Variants in NRG2 observed in about 807,000 individuals in gnomAD.
NRG2 encodes the protein neuregulin 2, also known as pro-neuregulin-2, membrane-bound isoform.
In NRG2, 27 loss-of-function variants were observed where a neutral mutation model predicts 73.9. That is an observed-to-expected ratio of 0.37 (90% confidence interval 0.27 to 0.50). The LOEUF (loss-of-function observed/expected upper bound fraction) is 0.50. Among genes scored for constraint, NRG2 ranks in the 20% least tolerant of loss-of-function variants. The pLI is 0.96. For synonymous variants in NRG2, 532 were observed against 541.0 expected (o/e 0.98, Z 0.23); for missense variants, 1,126 against 1,210.1 (o/e 0.93, Z 1.03).
chr5:140,011,167 A>G (rs265159), intron 1 of NRG2, among the ~76,000 whole-genome samples: 39,337 of 152,206 alleles, frequency 0.26, 5,753 homozygotes, highest in African/African-American at 0.39. Context: ...GCCACAGCCT[A>G]TCTTATATCT....
chr5:139,922,497 G>A (rs1443039781), intron 1 of NRG2, among the ~76,000 whole-genome samples: 1 of 152,206 alleles, frequency 6.6e-6, no homozygotes, highest in Non-Finnish European at 1.5e-5. Context: ...AATCATTGCT[G>A]GTGGTAATGT....
At chr5:139,944,766 C>T (rs1269673652) in intron 1 of NRG2, among the ~76,000 whole-genome samples, 1 of 152,136 alleles carries the variant, frequency 6.6e-6, no homozygotes, top group Non-Finnish European at 1.5e-5. Context: ...TTTGGATAAA[C>T]TCCCAGTAGT....
At chr5:139,958,231 TG>T (rs1754785784) in intron 1 of NRG2, among the ~76,000 whole-genome samples, 1 of 152,076 alleles carries the variant, frequency 6.6e-6, no homozygotes, top group East Asian at 1.9e-4. Context: ...GCAGAAGATG[TG>T]TTCACCTTGC....
At position 139,915,598 on chromosome 5, in the gene NRG2, A is replaced by G. The variant is rs1751190301; in HGVS notation, c.701-28087T>C. Among the ~76,000 whole-genome samples the G allele has an allele frequency of 6.6e-6, 1 of 152,254 alleles. No homozygotes were observed. Among genetic ancestry groups the G allele is most frequent in the Non-Finnish European group, 1.5e-5 (1 of 68,044 alleles). The stretch of plus-strand genomic sequence containing the variant: ...CAGTACTGCACTCTGACCAGGTGTC[A>G]GGCTGCACTGCCTGATCTACAGGTG... On this transcript the variant is annotated intron_variant, in intron 1 of 9. Coordinates refer to ENST00000361474, the MANE Select transcript of NRG2 (RefSeq NM_004883.3). The surrounding 1 kb of genome is among the most constrained non-coding windows in gnomAD (Gnocchi z 4.0).
At chr5:140,019,012 C>T (rs575631406) in intron 1 of NRG2, among the ~76,000 whole-genome samples, 7 of 152,304 alleles carry the variant, frequency 4.6e-5, no homozygotes, top group Non-Finnish European at 8.8e-5. Context: ...CAGGGTAAGA[C>T]AGAAGGAGAA....
chr5:140,024,437 A>T (rs570542631), intron 1 of NRG2, among the ~76,000 whole-genome samples: 84 of 152,158 alleles, frequency 5.5e-4, no homozygotes, highest in African/African-American at 2.0e-3. Flanking sequence ...TGTAATTTTT[A>T]GTAGAGACGG....
Position 139,856,108 on chromosome 5 carries a change from T to A in NRG2, c.1190-330A>T, listed in dbSNP as rs962646252. ...GGAGTGGAGGCAAAGCTCCCGAGGC[T>A]GTAGAGCAGGGGAGGACAGCTCAGT... On this transcript the variant is annotated intron_variant, in intron 5 of 9. Transcript: ENST00000361474. This position sits in a 1 kb window ranked among gnomAD's most constrained non-coding sequence, Gnocchi z 4.2. 2 of 345,970 alleles carry A rather than the reference T, an allele frequency of 5.8e-6. No homozygotes were observed. The highest frequency in any genetic ancestry group is 4.1e-5 in the African/African-American group (2 of 48,800). 21.4% of individuals were successfully genotyped at this position (345,970 alleles called of 1,614,324 possible).
intron 5 of NRG2, among the ~76,000 whole-genome samples, chr5:139,861,269 A>C (rs1762129088): frequency 6.6e-6 from 1 of 152,190 alleles, no homozygotes; most frequent in African/African-American, 2.4e-5. Flanking sequence ...CAGCACCACT[A>C]GATCCAGGGA....
At chr5:139,928,448 G>T (rs935033315) in intron 1 of NRG2, among the ~76,000 whole-genome samples, 2 of 152,140 alleles carry the variant, frequency 1.3e-5, no homozygotes, top group African/African-American at 4.8e-5. Context: ...ACACGTAAGT[G>T]CTTCTCCAGA....
intron 1 of NRG2, among the ~76,000 whole-genome samples, chr5:139,965,231 C>T (rs182278998): frequency 8.5e-5 from 13 of 152,322 alleles, no homozygotes; most frequent in South Asian, 6.2e-4. Context: ...AGTGGAACTA[C>T]GTGGGGGAGA....
Position 139,954,327 on chromosome 5 carries a change from G to T in NRG2, c.701-66816C>A, listed in dbSNP as rs977296440. Among the ~76,000 whole-genome samples, 2 of 152,172 alleles carry T rather than the reference G, an allele frequency of 1.3e-5. No homozygotes were observed. The highest frequency in any genetic ancestry group is 2.4e-5 in the African/African-American group (1 of 41,420). On this transcript the variant is annotated intron_variant, in intron 1 of 9. Coordinates refer to ENST00000361474, the MANE Select transcript of NRG2 (RefSeq NM_004883.3). This position sits in a 1 kb window ranked among gnomAD's most constrained non-coding sequence, Gnocchi z 5.0. ...GCGGCTGTCTAGCCCCAGGTCCCAA[G>T]GTCGCCCATGTCAGCACCTATAGTG... is the stretch of plus-strand genomic sequence containing the variant.
At chr5:139,905,288 G>C (rs559955427) in intron 1 of NRG2, among the ~76,000 whole-genome samples, 15 of 152,356 alleles carry the variant, frequency 9.8e-5, no homozygotes, top group African/African-American at 3.4e-4. Context: ...TCCTGCCTGG[G>C]TGTGGTGCTG....
At chr5:140,007,619 A>T (rs1759014006) in intron 1 of NRG2, among the ~76,000 whole-genome samples, 1 of 152,136 alleles carries the variant, frequency 6.6e-6, no homozygotes, top group African/African-American at 2.4e-5. Flanking sequence ...GTCCTGGGTG[A>T]CAATTTTAGA....
At chr5:139,889,713 G>GTA (rs1764087615) in intron 1 of NRG2, among the ~76,000 whole-genome samples, 1 of 152,148 alleles carries the variant, frequency 6.6e-6, no homozygotes, top group Non-Finnish European at 1.5e-5. Context: ...CACACCCCAT[G>GTA]TATACTGCTG....
chr5:140,020,687 C>T (rs1288905053), intron 1 of NRG2, among the ~76,000 whole-genome samples: 1 of 152,188 alleles, frequency 6.6e-6, no homozygotes, highest in Non-Finnish European at 1.5e-5. Flanking sequence ...AGCAAAAGCA[C>T]CACTGCATTT....
At chr5:139,936,785 A>T (rs927982052) in intron 1 of NRG2, among the ~76,000 whole-genome samples, 5 of 152,198 alleles carry the variant, frequency 3.3e-5, no homozygotes, top group African/African-American at 4.8e-5. Context: ...AAAGATTTTT[A>T]AAAATTTTTT....
chr5:139,993,207 T>C (rs1170085393), intron 1 of NRG2, among the ~76,000 whole-genome samples: 1 of 152,154 alleles, frequency 6.6e-6, no homozygotes, highest in Admixed American at 6.6e-5. Flanking sequence ...AATCAGATCA[T>C]ATCATTTCCC....
At chr5:139,948,482 C>T (rs903360437) in intron 1 of NRG2, among the ~76,000 whole-genome samples, 1 of 152,204 alleles carries the variant, frequency 6.6e-6, no homozygotes, top group Admixed American at 6.5e-5. Flanking sequence ...CAGCCCATCA[C>T]TCAGCCCTTC....
At chr5:139,912,072 G>A (rs1750864571) in intron 1 of NRG2, among the ~76,000 whole-genome samples, 1 of 152,088 alleles carries the variant, frequency 6.6e-6, no homozygotes, top group African/African-American at 2.4e-5. Context: ...GTAATGAGTG[G>A]CCCACCCTCT....
Sources: gnomAD v4.1 joint callset for allele counts (sites outside exome capture counted in the v4.1 genomes callset) on GRCh38, gnomAD v4.1.1 for gene constraint, Gnocchi (gnomAD v3.1) non-coding constraint, MANE v1.5 for transcripts, NCBI Gene and HGNC (gene_info 2026-07-23, HGNC 2026-07-21) for gene names.